MMRN1: variants seen among roughly 807,000 people sequenced by gnomAD.
MMRN1 encodes multimerin 1.
MMRN1 carries 94 observed loss-of-function variants against 100.7 expected under a neutral mutation model. The observed-to-expected ratio is 0.93, with a 90% CI of 0.79 to 1.11. The LOEUF (loss-of-function observed/expected upper bound fraction) is 1.11. Among genes scored for constraint, MMRN1 ranks in the 50% least tolerant of loss-of-function variants. The pLI is 0.00. For synonymous variants in MMRN1, 575 were observed against 505.0 expected, an observed-to-expected ratio of 1.14 and a Z score of -1.86; for missense variants, 1,606 against 1,439.1, an observed-to-expected ratio of 1.12 and a Z score of -1.88.
At chr4:89,900,349 T>A (rs1185436056) in intron 1 of MMRN1, among the ~76,000 whole-genome samples, 1 of 152,092 alleles carries the variant, frequency 6.6e-6, no homozygotes, top group African/African-American at 2.4e-5. Context: ...CAAGTTAATA[T>A]CTCAAAGGAA....
intron 1 of MMRN1, among the ~76,000 whole-genome samples, chr4:89,887,101 T>C (rs781746923): frequency 1.3e-5 from 2 of 151,976 alleles, no homozygotes; most frequent in Admixed American, 6.6e-5. Context: ...AAAGAAAACA[T>C]GTGTATGTTT....
chr4:89,928,681 C>T (rs185586286), intron 5 of MMRN1, among the ~76,000 whole-genome samples: 3 of 152,236 alleles, frequency 2.0e-5, no homozygotes, highest in African/African-American at 7.2e-5. Context: ...CTTCTAGAAG[C>T]CACTGCATTT....
rs1171707033 is a variant in MMRN1 at position 89,954,424 on chromosome 4, T to C, written c.*1006T>C. On this transcript the variant is annotated 3_prime_UTR_variant, in exon 8 of 8. Transcript: ENST00000264790. ...CCAGAGCCCACATCCATCCTTTCTC[T>C]ATATTGCCTCCCACAGATGTGCTAA... 3 of 152,162 alleles carry C rather than the reference T, an allele frequency of 2.0e-5. No individual in the cohort carries two copies. Among genetic ancestry groups the C allele is most frequent in the Non-Finnish European group, 2.9e-5 (2 of 68,034 alleles). 9.4% of individuals were successfully genotyped at this position (152,162 alleles called of 1,614,324 possible).
Position 89,895,067 on chromosome 4 carries a change from T to A in MMRN1, c.96T>A (p.Asp32Glu). The A allele has an allele frequency of 1.9e-6, 3 of 1,613,956 alleles. No homozygotes were observed. Among genetic ancestry groups the A allele is most frequent in the Non-Finnish European group, 2.5e-6 (3 of 1,179,912 alleles). Residue 32 changes from aspartate (D) to glutamate (E), a missense_variant, in exon 1 of 8, where the codon GAT (aspartate) becomes GAA (glutamate). Transcript: ENST00000264790. ...AGCATTCTTGGACTATACCTGAGGATGGGAACTCTCAGAAGACTATGCCTT... is the reference window on the plus strand; with the variant it reads ...AGCATTCTTGGACTATACCTGAGGAAGGGAACTCTCAGAAGACTATGCCTT... Reference protein sequence around the residue: ...NSKHSWTIPEDGNSQKTMPSA... With the variant: ...NSKHSWTIPEEGNSQKTMPSA...
intron 1 of MMRN1, among the ~76,000 whole-genome samples, chr4:89,882,397 T>C (rs1720840056): frequency 6.6e-6 from 1 of 151,598 alleles, no homozygotes; most frequent in Admixed American, 6.6e-5. Flanking sequence ...TTTATGTGCA[T>C]TTAGGTGATT....
chr4:89,896,798 C>A (rs1272924422), intron 1 of MMRN1, among the ~76,000 whole-genome samples: 1 of 152,038 alleles, frequency 6.6e-6, no homozygotes, highest in Non-Finnish European at 1.5e-5. Flanking sequence ...ATTTATTATT[C>A]AAGTCTATTT....
intron 1 of MMRN1, among the ~76,000 whole-genome samples, chr4:89,901,115 A>G (rs995005608): frequency 2.6e-5 from 4 of 151,388 alleles, no homozygotes; most frequent in Non-Finnish European, 5.9e-5. Flanking sequence ...AAGGCAAAAG[A>G]GAGCCATTAA....
chr4:89,895,190 T>C lies in MMRN1; in HGVS notation c.219T>C (p.Thr73=). ...AEIATTPEAR[T]SEDSLLKSTL... Reference sequence around the variant, plus strand: ...TAGCTACAACTCCAGAGGCAAGAACTTCTGAAGACAGTCTTCTTAAATCAA... The same window carrying C: ...TAGCTACAACTCCAGAGGCAAGAACCTCTGAAGACAGTCTTCTTAAATCAA... The change falls in exon 1 of 8, where the codon ACT becomes ACC. Residue 73 remains threonine, a synonymous_variant. Transcript: ENST00000264790. The C allele has an allele frequency of 1.9e-6, 3 of 1,613,848 alleles. No individual in the cohort carries two copies. Among genetic ancestry groups the C allele is most frequent in the Non-Finnish European group, 2.5e-6 (3 of 1,179,894 alleles).
intron 6 of MMRN1, among the ~76,000 whole-genome samples, chr4:89,946,124 C>A (rs936725233): frequency 5.3e-5 from 8 of 152,074 alleles, no homozygotes. Flanking sequence ...AATGGGGAAG[C>A]ATAATAGCAC....
chr4:89,896,718 T>TTTA (rs1721215833), intron 1 of MMRN1, among the ~76,000 whole-genome samples: 1 of 152,170 alleles, frequency 6.6e-6, no homozygotes, highest in Non-Finnish European at 1.5e-5. Flanking sequence ...AAGCTGTTGC[T>TTTA]GATATAAAGG....
intron 1 of MMRN1, among the ~76,000 whole-genome samples, chr4:89,885,888 T>C (rs1720925257): frequency 6.6e-6 from 1 of 152,078 alleles, no homozygotes; most frequent in African/African-American, 2.4e-5. Context: ...GTTTCATTAA[T>C]TTCTGCTATT....
At position 89,935,702 on chromosome 4, in the gene MMRN1, A is replaced by G. The variant is rs200532764; in HGVS notation, c.2022A>G (p.Ile674Met). The G allele has an allele frequency of 3.3e-5, 54 of 1,612,378 alleles. No homozygotes were observed. Among genetic ancestry groups the G allele is most frequent in the Non-Finnish European group, 4.3e-5 (51 of 1,179,498 alleles). ...TYEQPKEAIV[I>M]RKKIENLTSA... Reference sequence around the variant, plus strand: ...AACAACCAAAGGAAGCAATAGTGATAAGGAAAAAGATAGAAAATCTGACTA... The same window carrying G: ...AACAACCAAAGGAAGCAATAGTGATGAGGAAAAAGATAGAAAATCTGACTA... Residue 674 changes from isoleucine to methionine, a missense_variant, in exon 6 of 8, where the codon ATA (isoleucine) becomes ATG (methionine). By Grantham distance (10) the Ile-to-Met change is conservative. Coordinates refer to ENST00000264790, the MANE Select transcript of MMRN1 (RefSeq NM_007351.3).
At chr4:89,909,521 T>C in intron 2 of MMRN1, 126 bp downstream of exon 2, 1 of 1,219,670 alleles carries the variant, frequency 8.2e-7, no homozygotes, top group Non-Finnish European at 1.1e-6. Context: ...AGTCACATTA[T>C]GCTTTAGTAA....
chr4:89,899,180 A>G (rs182847859), intron 1 of MMRN1, among the ~76,000 whole-genome samples: 1 of 151,546 alleles, frequency 6.6e-6, no homozygotes, highest in Non-Finnish European at 1.5e-5. Flanking sequence ...TTATTCTGGC[A>G]TATTTTTGTT....
chr4:89,929,796 C>T (rs1370077361), intron 5 of MMRN1, among the ~76,000 whole-genome samples: 1 of 152,106 alleles, frequency 6.6e-6, no homozygotes, highest in Non-Finnish European at 1.5e-5. Flanking sequence ...GAAACAAAAA[C>T]TAAACCCACC....
intron 5 of MMRN1, among the ~76,000 whole-genome samples, chr4:89,933,099 T>A (rs1722493805): frequency 1.3e-5 from 2 of 152,212 alleles, no homozygotes; most frequent in Admixed American, 1.3e-4. Flanking sequence ...TCTCTGCTGC[T>A]TAGAAATTTC....
rs547800797 is a variant in MMRN1 at position 89,884,366 on chromosome 4, T to A, written c.-249+4764T>A. Among the ~76,000 whole-genome samples, 381 of 152,162 alleles carry A rather than the reference T, an allele frequency of 2.5e-3. 4 individuals carry two copies. Among genetic ancestry groups the A allele is most frequent in the African/African-American group, 8.5e-3 (353 of 41,526 alleles). On this transcript the variant is annotated intron_variant, in intron 1 of 8. Transcript: ENST00000394980. ...TTACTTATTCGGGTGTTTCAAAAAA[T>A]TTTTGGCAATATCTTGTTGTTTACA...
In MMRN1 at chr4:89,935,277, C is replaced by G. The variant is rs1177734121; in HGVS notation, c.1597C>G (p.Pro533Ala). The change falls in exon 6 of 8, where the codon CCA becomes GCA. Residue 533 changes from proline (P) to alanine (A), a missense_variant. Physicochemically the swap from Pro to Ala is conservative, Grantham distance 27. Coordinates refer to ENST00000264790, the MANE Select transcript of MMRN1 (RefSeq NM_007351.3). The stretch of plus-strand genomic sequence containing the variant: ...ACAGGTATCAGACCAGAAGAATGCT[C>G]CAGCTGCTGAGTCAGTTAGCAATAA... ...TEQVSDQKNA[P>A]AAESVSNNVT... 1 of 1,613,712 alleles carries G rather than the reference C, an allele frequency of 6.2e-7. No individual in the cohort carries two copies. The highest frequency in any genetic ancestry group is 8.5e-7 in the Non-Finnish European group (1 of 1,179,772).
At chr4:89,923,098 G>A in intron 3 of MMRN1, 70 bp from the exon 4 acceptor site, 1 of 1,242,214 alleles carries the variant, frequency 8.1e-7, no homozygotes, top group East Asian at 2.3e-5. Flanking sequence ...CCAAATTATT[G>A]TTCAGGACTG....
Sources: allele counts gnomAD v4.1 joint callset (sites outside exome capture counted in the v4.1 genomes callset), GRCh38; gene constraint gnomAD v4.1.1; transcripts MANE v1.5; gene names NCBI Gene and HGNC (gene_info 2026-07-23, HGNC 2026-07-21).